BBX: variants seen among roughly 807,000 people sequenced by gnomAD.
The protein encoded by BBX is BBX high mobility group box domain containing, also known as HMG box transcription factor BBX.
In BBX, 30 loss-of-function variants were observed where a neutral mutation model predicts 100.2. That is an observed-to-expected ratio of 0.30 (90% CI 0.22 to 0.41). The LOEUF (loss-of-function observed/expected upper bound fraction) is 0.41, where lower values mean the gene tolerates loss of function less well. Among genes scored for constraint, BBX ranks in the 10% least tolerant of loss-of-function variants. BBX has a pLI of 1.00. For missense variants in BBX, 1,023 were observed against 1,129.8 expected (o/e 0.91, Z 1.35); for synonymous variants, 376 against 388.1 (o/e 0.97, Z 0.37).
At chr3:107,579,402 G>C (rs1257198713) in intron 2 of BBX, among the ~76,000 whole-genome samples, 2 of 152,104 alleles carry the variant, frequency 1.3e-5, no homozygotes, top group African/African-American at 4.8e-5. Context: ...TAGTTATAGG[G>C]CCACCAAAAG....
At chr3:107,676,195 A>T (rs1388559165) in intron 3 of BBX, among the ~76,000 whole-genome samples, 2 of 152,214 alleles carry the variant, frequency 1.3e-5, no homozygotes, top group Non-Finnish European at 2.9e-5. Context: ...AAGGTAATTT[A>T]GATAGATGTG....
At chr3:107,737,721 C>T (rs747712830) in intron 7 of BBX, among the ~76,000 whole-genome samples, 1 of 152,050 alleles carries the variant, frequency 6.6e-6, no homozygotes, top group African/African-American at 2.4e-5. Flanking sequence ...TCACATGATA[C>T]TTCTAGCTTA....
intron 3 of BBX, among the ~76,000 whole-genome samples, chr3:107,653,366 T>C (rs896148682): frequency 6.6e-6 from 1 of 152,112 alleles, no homozygotes; most frequent in Non-Finnish European, 1.5e-5. Context: ...GTGAAGGTTG[T>C]GAGATTTAAG....
intron 2 of BBX, among the ~76,000 whole-genome samples, chr3:107,621,624 C>T (rs2055775510): frequency 6.6e-6 from 1 of 152,152 alleles, no homozygotes; most frequent in East Asian, 1.9e-4. Context: ...TATCGTTCAG[C>T]TTGAAGACCT....
intron 10 of BBX, among the ~76,000 whole-genome samples, chr3:107,760,183 A>G (rs1387998598): frequency 6.6e-6 from 1 of 152,226 alleles, no homozygotes; most frequent in Non-Finnish European, 1.5e-5. Context: ...CACAGCCTGT[A>G]CTCTTAAACA....
In BBX at chr3:107,735,800, A is replaced by T. The variant is rs868257743; in HGVS notation, c.669+2777A>T. 7.9e-5 allele frequency among the ~76,000 whole-genome samples: 12 copies of T among 151,998 alleles called. No homozygotes were observed. The South Asian group carries it at 8.3e-4, about 10-fold the overall frequency. On this transcript the variant is annotated intron_variant, in intron 7 of 17. Transcript: ENST00000325805. ...AATAATAACAAACAAAATGTTGTGT[A>T]TTCTCTTTTTTTCTGTCTTCTGATC...
At chr3:107,544,024 A>G (rs2049036927) in intron 2 of BBX, among the ~76,000 whole-genome samples, 1 of 152,208 alleles carries the variant, frequency 6.6e-6, no homozygotes, top group Non-Finnish European at 1.5e-5. Context: ...TAAAATTCCA[A>G]ATAATATTTT....
At chr3:107,650,562 G>C (rs896809544) in intron 3 of BBX, among the ~76,000 whole-genome samples, 1 of 152,030 alleles carries the variant, frequency 6.6e-6, no homozygotes, top group Non-Finnish European at 1.5e-5. Flanking sequence ...AAAGCCTTAT[G>C]CTTTTTCTAA....
At chr3:107,584,022 AT>A (rs2052518046) in intron 2 of BBX, among the ~76,000 whole-genome samples, 1 of 72,810 alleles carries the variant, frequency 1.4e-5, no homozygotes, top group African/African-American at 6.0e-5. Flanking sequence ...TATACATATT[AT>A]TATATATATT....
At chr3:107,661,888 G>A in intron 3 of BBX, 2 of 985,342 alleles carry the variant, frequency 2.0e-6, no homozygotes, top group South Asian at 9.4e-5. Context: ...GCATGTTATA[G>A]ATGTGGAGGA....
chr3:107,766,052 G>A (rs1380206774), intron 10 of BBX, among the ~76,000 whole-genome samples: 1 of 152,172 alleles, frequency 6.6e-6, no homozygotes, highest in African/African-American at 2.4e-5. Context: ...GAGTGCTTTA[G>A]AAGGAAAATG....
At chr3:107,743,579 C>T (rs1188100574) in intron 7 of BBX, among the ~76,000 whole-genome samples, 1 of 152,170 alleles carries the variant, frequency 6.6e-6, no homozygotes, top group Admixed American at 6.5e-5. Context: ...TGCTCCTGCC[C>T]AGTGGCCTGT....
intron 2 of BBX, among the ~76,000 whole-genome samples, chr3:107,530,999 C>A (rs1323854816): frequency 6.6e-6 from 1 of 152,214 alleles, no homozygotes; most frequent in East Asian, 1.9e-4. Context: ...TTGATATTCT[C>A]ATTCAGTGTT....
intron 10 of BBX, 100 bp downstream of exon 10, chr3:107,755,778 A>G (rs1175296653): frequency 4.1e-6 from 4 of 976,280 alleles, no homozygotes; most frequent in African/African-American, 1.6e-5. Context: ...TCCTGTGACC[A>G]TAAAATGAGT....
intron 3 of BBX, among the ~76,000 whole-genome samples, chr3:107,676,088 G>A (rs2059265700): frequency 6.6e-6 from 1 of 151,866 alleles, no homozygotes; most frequent in Non-Finnish European, 1.5e-5. Flanking sequence ...TTACAATGTG[G>A]GAATCTGAAA....
At chr3:107,777,321 G>C (rs2067405025) in intron 12 of BBX, among the ~76,000 whole-genome samples, 1 of 152,090 alleles carries the variant, frequency 6.6e-6, no homozygotes, top group African/African-American at 2.4e-5. Flanking sequence ...CATTCAGTTG[G>C]TCATCTGACC....
chr3:107,799,955 C>T (rs549879322), intron 16 of BBX, among the ~76,000 whole-genome samples: 9 of 152,248 alleles, frequency 5.9e-5, no homozygotes, highest in South Asian at 4.1e-4. Flanking sequence ...TCAGCACCTC[C>T]GCAATTTTAT....
At position 107,721,379 on chromosome 3, in the gene BBX, T is replaced by G. The variant is rs374673416; in HGVS notation, c.405+4530T>G. On this transcript the variant is annotated intron_variant, in intron 5 of 17. Transcript: ENST00000325805. ...TTTGTTTTTTGTTTTGTTTTGTTTTTTTTGCAGGGGTTGGGGGTTCCACCC... is the reference window on the plus strand; with the variant it reads ...TTTGTTTTTTGTTTTGTTTTGTTTTGTTTGCAGGGGTTGGGGGTTCCACCC... 2.5e-4 allele frequency among the ~76,000 whole-genome samples: 38 copies of G among 152,104 alleles called. No homozygotes were observed. The South Asian group carries it at 3.3e-3, about 13-fold the overall frequency.
intron 3 of BBX, among the ~76,000 whole-genome samples, chr3:107,685,845 A>C (rs1371441449): frequency 1.3e-5 from 2 of 152,090 alleles, no homozygotes; most frequent in Non-Finnish European, 2.9e-5. Context: ...TTTCTTTGTG[A>C]TATTCTTTCC....
Sources: allele counts gnomAD v4.1 joint callset (sites outside exome capture counted in the v4.1 genomes callset), GRCh38; gene constraint gnomAD v4.1.1; transcripts MANE v1.5; gene names NCBI Gene and HGNC (gene_info 2026-07-23, HGNC 2026-07-21).